VCL: variants seen among roughly 807,000 people sequenced by gnomAD.
The protein encoded by VCL is epididymis luminal protein 114.
Under a neutral mutation model 125.7 loss-of-function variants are expected in VCL, and 47 were observed. That is an observed-to-expected ratio of 0.37 (90% confidence interval 0.30 to 0.48). The LOEUF (loss-of-function observed/expected upper bound fraction) is 0.48, where lower values mean the gene tolerates loss of function less well. Ranked by LOEUF, VCL falls within the 20% of genes least tolerant of loss-of-function variation. The pLI, the probability that VCL is intolerant of heterozygous loss-of-function variation, is 0.99. For missense variants in VCL, 1,069 were observed against 1,455.5 expected (o/e 0.73, Z 4.32); for synonymous variants, 458 against 514.6 (o/e 0.89, Z 1.49).
At chr10:74,031,941 G>A (rs1591661640) in intron 1 of VCL, among the ~76,000 whole-genome samples, 2 of 152,014 alleles carry the variant, frequency 1.3e-5, no homozygotes, top group South Asian at 2.1e-4. Flanking sequence ...GTGCGTGCCT[G>A]TAATCCCAGC....
At position 74,080,835 on chromosome 10, in the gene VCL, G is replaced by A. The variant is rs1839664001; in HGVS notation, c.784-1619G>A. Among the ~76,000 whole-genome samples the A allele has an allele frequency of 2.6e-5, 4 of 152,250 alleles. 1 individual carries two copies. The South Asian group carries it at 8.3e-4, about 32-fold the overall frequency. ...AGTTCTCTGAGGTTAGGAGTTGCCT[G>A]GCCTCAAGTCTTTTAAAAAGTTATT... On this transcript the variant is annotated intron_variant, in intron 6 of 21. Coordinates refer to ENST00000211998, the MANE Select transcript of VCL (RefSeq NM_014000.3).
chr10:74,090,734 C>A (rs1839868711), intron 10 of VCL, among the ~76,000 whole-genome samples: 1 of 152,090 alleles, frequency 6.6e-6, no homozygotes, highest in African/African-American at 2.4e-5. Context: ...GCCTCCTCTC[C>A]TAAAGTCTCT....
At chr10:74,055,824 A>T (rs905247847) in intron 2 of VCL, among the ~76,000 whole-genome samples, 3 of 152,194 alleles carry the variant, frequency 2.0e-5, no homozygotes, top group African/African-American at 7.2e-5. Flanking sequence ...AGGAGGTAGC[A>T]GAGTTCTTGA....
intron 18 of VCL, 119 bp from the exon 19 acceptor site, chr10:74,111,788 CAT>C: frequency 7.8e-7 from 1 of 1,283,410 alleles, no homozygotes. Context: ...TCCTAGAGAA[CAT>C]GTTTCTTTCT....
chr10:74,082,648 C>A, intron 7 of VCL, 104 bp downstream of exon 7: 1 of 1,207,546 alleles, frequency 8.3e-7, no homozygotes, highest in Non-Finnish European at 1.2e-6. Flanking sequence ...GAGAGAACTA[C>A]TGTAACATTA....
At chr10:74,098,068 C>T (rs1455337285) in intron 13 of VCL, among the ~76,000 whole-genome samples, 1 of 152,196 alleles carries the variant, frequency 6.6e-6, no homozygotes, top group Non-Finnish European at 1.5e-5. Flanking sequence ...ACCACTGGAT[C>T]TGGTCCCCAT....
At chr10:74,036,586 A>G (rs1213200073) in intron 1 of VCL, among the ~76,000 whole-genome samples, 3 of 152,056 alleles carry the variant, frequency 2.0e-5, no homozygotes. Flanking sequence ...AAAATGAGGC[A>G]TCAGACAGAT....
intron 1 of VCL, among the ~76,000 whole-genome samples, chr10:74,038,612 A>T (rs1281362018): frequency 6.6e-6 from 1 of 152,240 alleles, no homozygotes; most frequent in Admixed American, 6.5e-5. Flanking sequence ...TCACTTAAGT[A>T]TTCAAAAATA....
chr10:74,054,510 T>A (rs923659860), intron 2 of VCL, among the ~76,000 whole-genome samples: 5 of 152,236 alleles, frequency 3.3e-5, no homozygotes, highest in Admixed American at 6.5e-5. Flanking sequence ...ATCCTCTTAT[T>A]GTATCTATCA....
chr10:74,043,960 A>G (rs1841146411), intron 2 of VCL, among the ~76,000 whole-genome samples: 1 of 151,548 alleles, frequency 6.6e-6, no homozygotes, highest in Non-Finnish European at 1.5e-5. Flanking sequence ...ATATAAAAAA[A>G]ATTAGCCAGG....
At chr10:74,104,549 C>T (rs765518489) in intron 15 of VCL, among the ~76,000 whole-genome samples, 1 of 151,940 alleles carries the variant, frequency 6.6e-6, no homozygotes, top group Non-Finnish European at 1.5e-5. Flanking sequence ...CATGGCAGCC[C>T]GAGATGAAAG....
chr10:74,083,644 T>A (rs1306308855), intron 8 of VCL, 131 bp downstream of exon 8: 15 of 1,137,024 alleles, frequency 1.3e-5, no homozygotes, highest in Non-Finnish European at 1.8e-5. Context: ...TATAGTCTAT[T>A]AAATTCTTTT....
chr10:74,105,577 T>C (rs984483828), intron 16 of VCL, among the ~76,000 whole-genome samples: 5 of 149,816 alleles, frequency 3.3e-5, no homozygotes, highest in African/African-American at 1.2e-4. Flanking sequence ...CTGTGCTTTC[T>C]TTTTTTTTTG....
chr10:74,069,713 T>A (rs1841632471), intron 2 of VCL, among the ~76,000 whole-genome samples: 1 of 152,258 alleles, frequency 6.6e-6, no homozygotes, highest in Non-Finnish European at 1.5e-5. Context: ...CTATATTGAA[T>A]ATGAGACTAG....
Position 74,109,039 on chromosome 10 carries a change from A to T in VCL, c.2628A>T (p.Pro876=), listed in dbSNP as rs1435278791. Residue 876 remains proline, a synonymous_variant, in exon 18 of 22, where the codon CCA becomes CCT. Transcript: ENST00000211998. ...PEGEVPPPRP[P]PPEEKDEEFP... is the part of the protein sequence containing the mutation. The stretch of plus-strand genomic sequence containing the variant: ...GTGAGGTCCCTCCACCTAGGCCTCC[A>T]CCACCAGAGGAAAAGGATGAAGAGT... 4 of 1,614,138 alleles carry T rather than the reference A, an allele frequency of 2.5e-6. No homozygotes were observed. The South Asian group carries it at 4.4e-5, about 18-fold the overall frequency.
chr10:74,059,422 T>G (rs1841440465), intron 2 of VCL, among the ~76,000 whole-genome samples: 1 of 150,698 alleles, frequency 6.6e-6, no homozygotes, highest in Non-Finnish European at 1.5e-5. Flanking sequence ...TTTTTTTTTT[T>G]GAGACGGAGT....
At position 74,089,176 on chromosome 10, in the gene VCL, C is replaced by A; in HGVS notation, c.1023-20C>A. On this transcript the variant is annotated intron_variant, in intron 8 of 21. Coordinates refer to ENST00000211998, the MANE Select transcript of VCL (RefSeq NM_014000.3). ...AGTATTTGAGGGTGTACAATGACAG[C>A]ATGTGTCTGTTTTGAGCAGAGGACA... The A allele has an allele frequency of 6.2e-7, 1 of 1,613,842 alleles. No homozygotes were observed. Among genetic ancestry groups the A allele is most frequent in the Non-Finnish European group, 8.5e-7 (1 of 1,179,930 alleles).
chr10:74,006,976 T>C (rs144895560), intron 1 of VCL, among the ~76,000 whole-genome samples: 136 of 152,278 alleles, frequency 8.9e-4, no homozygotes, highest in African/African-American at 3.0e-3. Flanking sequence ...TATTTATTTA[T>C]TTATTTTGAG....
At chr10:74,109,258 C>G in intron 18 of VCL, 102 bp downstream of exon 18, 1 of 1,446,256 alleles carries the variant, frequency 6.9e-7, no homozygotes, top group East Asian at 2.4e-5. Context: ...GTCACCCTCT[C>G]TCTCTCCTTT....
Sources: allele counts gnomAD v4.1 joint callset (sites outside exome capture counted in the v4.1 genomes callset), GRCh38; gene constraint gnomAD v4.1.1; transcripts MANE v1.5; gene names NCBI Gene and HGNC (gene_info 2026-07-23, HGNC 2026-07-21).